Variants in PLA2G4A observed in about 807,000 individuals in gnomAD.
PLA2G4A encodes the protein cytosolic phospholipase A2.
A neutral mutation model predicts 81.9 loss-of-function variants in PLA2G4A; 40 were observed. The observed-to-expected ratio is 0.49, with a 90% CI of 0.38 to 0.64. The LOEUF is 0.64. PLA2G4A is among the 30% of genes least tolerant of loss of function. The pLI is 0.00. For synonymous variants in PLA2G4A, 302 were observed against 296.9 expected, an observed-to-expected ratio of 1.02 and a Z score of -0.18; for missense variants, 715 against 905.1, an observed-to-expected ratio of 0.79 and a Z score of 2.69.
chr1:186,964,267 A>G (rs1050300726), intron 14 of PLA2G4A, among the ~76,000 whole-genome samples: 12 of 152,246 alleles, frequency 7.9e-5, no homozygotes, highest in African/African-American at 2.7e-4. Context: ...ATCCAGTTCA[A>G]TTCAAACCAG....
chr1:186,930,441 C>A (rs1655700630), intron 7 of PLA2G4A, among the ~76,000 whole-genome samples: 2 of 152,132 alleles, frequency 1.3e-5, no homozygotes, highest in African/African-American at 4.8e-5. Flanking sequence ...ATGTGTCGGG[C>A]TGTTGGCATT....
chr1:186,863,777 T>G (rs28749294), intron 2 of PLA2G4A, among the ~76,000 whole-genome samples: 56,691 of 148,226 alleles, frequency 0.38, 11,227 homozygotes, highest in East Asian at 0.64. Context: ...TTTTTTTTTT[T>G]GGGGACAGAG....
intron 5 of PLA2G4A, among the ~76,000 whole-genome samples, chr1:186,895,632 A>G (rs1283983092): frequency 6.6e-6 from 1 of 152,196 alleles, no homozygotes; most frequent in East Asian, 1.9e-4. Flanking sequence ...ACGTGTGATA[A>G]AAAGAAATCC....
rs573234313 is a variant in PLA2G4A, at chr1:186,930,101, A to AAAAC, written c.559-2645_559-2642dup. Among the ~76,000 whole-genome samples, 304 of 152,280 alleles carry AAAAC rather than the reference A, an allele frequency of 2.0e-3. 1 individual carries two copies. Among genetic ancestry groups the AAAAC allele is most frequent in the Non-Finnish European group, 3.5e-3 (241 of 68,014 alleles). On this transcript the variant is annotated intron_variant, in intron 7 of 17. Coordinates refer to ENST00000367466, the MANE Select transcript of PLA2G4A (RefSeq NM_024420.3). ...GAGAGAGAGACCCTATCTCAAAAAC[A>AAAAC]AAACAAACAAACAAACAAACGGAGT...
intron 3 of PLA2G4A, among the ~76,000 whole-genome samples, chr1:186,880,205 G>C (rs1653678135): frequency 6.6e-6 from 1 of 152,006 alleles, no homozygotes; most frequent in East Asian, 1.9e-4. Flanking sequence ...CTGCCAATAA[G>C]AGAAGACTTT....
chr1:186,950,527 G>T, intron 12 of PLA2G4A, 130 bp from the exon 13 acceptor site: 1 of 567,190 alleles, frequency 1.8e-6, no homozygotes, highest in Non-Finnish European at 3.2e-6. Flanking sequence ...TTATTAAATG[G>T]ATTTAAATTT....
At chr1:186,885,929 C>A (rs544896890) in intron 3 of PLA2G4A, among the ~76,000 whole-genome samples, 74 of 151,942 alleles carry the variant, frequency 4.9e-4, no homozygotes, top group Non-Finnish European at 9.0e-4. Context: ...TGACAAAAAG[C>A]ATTGGGAAGA....
At chr1:186,860,919 C>T (rs894045707) in intron 2 of PLA2G4A, among the ~76,000 whole-genome samples, 3 of 152,102 alleles carry the variant, frequency 2.0e-5, no homozygotes, top group Non-Finnish European at 4.4e-5. Flanking sequence ...ATTTGACTTT[C>T]TTTTCCTTGA....
At chr1:186,860,515 C>T (rs1652759587) in intron 2 of PLA2G4A, among the ~76,000 whole-genome samples, 1 of 152,160 alleles carries the variant, frequency 6.6e-6, no homozygotes, top group Non-Finnish European at 1.5e-5. Context: ...TGATGCCCAA[C>T]TGCATCCAGG....
At chr1:186,961,172 G>C (rs2102268311) in intron 14 of PLA2G4A, among the ~76,000 whole-genome samples, 1 of 438 alleles carries the variant, frequency 2.3e-3, no homozygotes, top group South Asian at 0.12. Context: ...CCAGAAGCTG[G>C]GGGGGGATTT....
intron 3 of PLA2G4A, among the ~76,000 whole-genome samples, chr1:186,871,961 T>G (rs1323350880): frequency 6.6e-6 from 1 of 152,094 alleles, no homozygotes; most frequent in Non-Finnish European, 1.5e-5. Flanking sequence ...AGAAAGAATG[T>G]GAGCTTAAGG....
chr1:186,866,065 T>G (rs537314048), intron 2 of PLA2G4A, among the ~76,000 whole-genome samples: 46 of 152,302 alleles, frequency 3.0e-4, no homozygotes, highest in African/African-American at 1.1e-3. Flanking sequence ...ACCATTGTCC[T>G]GAGTCATTAG....
chr1:186,953,707 A>G (rs1182550292), intron 13 of PLA2G4A, among the ~76,000 whole-genome samples: 1 of 152,236 alleles, frequency 6.6e-6, no homozygotes, highest in Admixed American at 6.5e-5. Flanking sequence ...GCAAATAGAA[A>G]TGTACTATTA....
intron 2 of PLA2G4A, among the ~76,000 whole-genome samples, chr1:186,864,335 C>CAT (rs1317189075): frequency 1.2e-4 from 18 of 152,062 alleles, no homozygotes; most frequent in African/African-American, 3.1e-4. Context: ...ATTGCTGGAC[C>CAT]ATATGGTAGT....
chr1:186,963,685 C>T (rs965895464), intron 14 of PLA2G4A, among the ~76,000 whole-genome samples: 3 of 152,152 alleles, frequency 2.0e-5, no homozygotes, highest in Admixed American at 6.5e-5. Flanking sequence ...ATAAGCATCA[C>T]TAGTAAGCGT....
chr1:186,949,314 AGAAGGAAG>A (rs759733882), intron 12 of PLA2G4A, among the ~76,000 whole-genome samples: 10 of 144,024 alleles, frequency 6.9e-5, no homozygotes, highest in African/African-American at 2.2e-4. Context: ...AGAAAGAGAA[AGAAGGAAG>A]GAAGGAAGGA....
chr1:186,840,119 C>G (rs1651928118), intron 1 of PLA2G4A, among the ~76,000 whole-genome samples: 1 of 151,752 alleles, frequency 6.6e-6, no homozygotes, highest in South Asian at 2.1e-4. Context: ...GGTGGGATTA[C>G]AGGTGCCCAC....
intron 3 of PLA2G4A, among the ~76,000 whole-genome samples, chr1:186,891,249 C>A (rs890769969): frequency 2.6e-5 from 4 of 152,068 alleles, no homozygotes; most frequent in Non-Finnish European, 5.9e-5. Flanking sequence ...AAAGTAATCA[C>A]ATCATGGAGA....
At chr1:186,842,151 T>G (rs1402582302) in intron 1 of PLA2G4A, among the ~76,000 whole-genome samples, 1 of 151,378 alleles carries the variant, frequency 6.6e-6, no homozygotes, top group Admixed American at 6.6e-5. Context: ...CAAGCAATTC[T>G]CCTGCCTCAG....
Sources: allele counts gnomAD v4.1 joint callset (sites outside exome capture counted in the v4.1 genomes callset), GRCh38; gene constraint gnomAD v4.1.1; transcripts MANE v1.5; gene names NCBI Gene and HGNC (gene_info 2026-07-23, HGNC 2026-07-21).